The following SPTY2D1 variants were observed in gnomAD, a reference collection of about 807,000 sequenced individuals.
SPTY2D1 encodes the protein protein SPT2 homolog.
In SPTY2D1, 21 loss-of-function variants were observed where a neutral mutation model predicts 64.0. That is an observed-to-expected ratio of 0.33 (90% confidence interval 0.23 to 0.47). SPTY2D1 has a LOEUF of 0.47. Among genes scored for constraint, SPTY2D1 ranks in the 20% least tolerant of loss-of-function variants. SPTY2D1 has a pLI of 1.00. For missense variants in SPTY2D1, 724 were observed against 837.2 expected (o/e 0.86, Z 1.67); for synonymous variants, 287 against 286.8 (o/e 1.00, Z -0.01).
At chr11:18,630,873 G>C (rs1854576338) in intron 1 of SPTY2D1, among the ~76,000 whole-genome samples, 1 of 152,062 alleles carries the variant, frequency 6.6e-6, no homozygotes, top group African/African-American at 2.4e-5. Context: ...CCCGGCTGGA[G>C]TGCAGTGGCA....
At position 18,615,228 on chromosome 11, in the gene SPTY2D1, C is replaced by T. The variant is rs1243902999; in HGVS notation, c.1046G>A (p.Ser349Asn). The T allele has an allele frequency of 6.2e-7, 1 of 1,614,220 alleles. No homozygotes were observed. The highest frequency in any genetic ancestry group is 1.7e-5 in the Admixed American group (1 of 60,022). ...HKAKKSLSHP[S>N]HSRPGPMVTP... The stretch of plus-strand genomic sequence containing the variant: ...GACCATGGGCCCAGGCCTGGAATGG[C>T]TAGGATGGGACAGAGATTTTTTGGC... The change falls in exon 3 of 6, where the codon AGC becomes AAC. Residue 349 changes from serine to asparagine, a missense_variant. Around this residue, in one of 3 missense-constraint regions of SPTY2D1, gnomAD observed 426 missense variants for 431.8 expected, o/e 0.99. Coordinates refer to ENST00000336349, the MANE Select transcript of SPTY2D1 (RefSeq NM_194285.3).
chr11:18,615,529 T>G lies in SPTY2D1; in HGVS notation c.745A>C (p.Arg249=). 1 of 1,614,250 alleles carries G rather than the reference T, an allele frequency of 6.2e-7. No individual in the cohort carries two copies. Among genetic ancestry groups the G allele is most frequent in the South Asian group, 1.1e-5 (1 of 91,088 alleles). Residue 249 remains arginine (R), a synonymous_variant, in exon 3 of 6, where the codon AGG becomes CGG. Transcript: ENST00000336349. ...GGCATTCCTTTGGAAGAAGGATGCCTGTCTCCAGAACCTTTGCTAAGTTTT... is the reference window on the plus strand; with the variant it reads ...GGCATTCCTTTGGAAGAAGGATGCCGGTCTCCAGAACCTTTGCTAAGTTTT... ...GTKLSKGSGD[R]HPSSKGMPLP...
In SPTY2D1 at chr11:18,606,536, T is replaced by A. The variant is rs886501928; in HGVS notation, c.*3325A>T. ...AAGCTAAGCTATCTAAAAATTTTTT[T>A]AACTTGATTTGTCCATTGTGTAAAA... On this transcript the variant is annotated 3_prime_UTR_variant, in exon 6 of 6. Coordinates refer to ENST00000336349, the MANE Select transcript of SPTY2D1 (RefSeq NM_194285.3). 9.9e-6 allele frequency: 2 copies of A among 201,650 alleles called. No homozygotes were observed. The highest frequency in any genetic ancestry group is 4.8e-5 in the African/African-American group (2 of 41,828). The allele number at this position is 201,650 out of a possible 1,614,324, so 12.5% of individuals were successfully genotyped here.
intron 1 of SPTY2D1, among the ~76,000 whole-genome samples, chr11:18,630,293 G>A (rs1208156789): frequency 6.6e-6 from 1 of 152,066 alleles, no homozygotes; most frequent in African/African-American, 2.4e-5. Context: ...TGACCAACAT[G>A]GTGAAACCCC....
intron 1 of SPTY2D1, among the ~76,000 whole-genome samples, chr11:18,617,936 C>T (rs1252816255): frequency 1.3e-5 from 2 of 152,096 alleles, no homozygotes; most frequent in Non-Finnish European, 2.9e-5. Context: ...AGCAAAACTC[C>T]GTCTCAATCC....
intron 1 of SPTY2D1, among the ~76,000 whole-genome samples, chr11:18,629,974 T>G (rs1412049548): frequency 4.0e-5 from 6 of 150,998 alleles, no homozygotes; most frequent in East Asian, 1.9e-4. Context: ...ATCGAGACCA[T>G]CCTGGCCAAC....
intron 1 of SPTY2D1, among the ~76,000 whole-genome samples, chr11:18,623,820 T>C (rs1273154936): frequency 6.6e-6 from 1 of 152,268 alleles, no homozygotes; most frequent in African/African-American, 2.4e-5. Flanking sequence ...TGGCCTTTTG[T>C]ATCTGGCTTC....
Position 18,607,347 on chromosome 11 carries a change from A to G in SPTY2D1, c.*2514T>C, listed in dbSNP as rs753716004. On this transcript the variant is annotated 3_prime_UTR_variant, in exon 6 of 6. Coordinates refer to ENST00000336349, the MANE Select transcript of SPTY2D1 (RefSeq NM_194285.3). ...CTTTGACATAGCAATATCAAAAGCA[A>G]GTGGGACTGTGCAATCAGAGCCATG... 1.3e-5 allele frequency: 2 copies of G among 152,782 alleles called. No individual in the cohort carries two copies. Among genetic ancestry groups the G allele is most frequent in the Admixed American group, 6.5e-5 (1 of 15,274 alleles). 9.5% of individuals were successfully genotyped at this position (152,782 alleles called of 1,614,324 possible). A position where few individuals can be genotyped will look rare whatever the true frequency, so the allele number is the denominator to read the frequency against.
chr11:18,630,061 C>G (rs144445338), intron 1 of SPTY2D1, among the ~76,000 whole-genome samples: 8,840 of 150,882 alleles, frequency 0.059, 857 homozygotes, highest in African/African-American at 0.2. Context: ...CCCAGCTACT[C>G]GGAAGGCTAA....
At chr11:18,633,381 T>C (rs1480710536) in intron 1 of SPTY2D1, among the ~76,000 whole-genome samples, 2 of 152,222 alleles carry the variant, frequency 1.3e-5, no homozygotes, top group African/African-American at 2.4e-5. Context: ...AGCTGTGCTG[T>C]GGGTACCATC....
At chr11:18,623,473 C>CA (rs34002964) in intron 1 of SPTY2D1, among the ~76,000 whole-genome samples, 84,223 of 152,092 alleles carry the variant, frequency 0.55, 27,571 homozygotes, top group Middle Eastern at 0.75. Context: ...TTTTATATGT[C>CA]AATTGGACTA....
At chr11:18,634,108 T>C (rs748206656) in intron 1 of SPTY2D1, 90 bp downstream of exon 1, 554 of 1,440,094 alleles carry the variant, frequency 3.8e-4, no homozygotes, top group Non-Finnish European at 5.1e-4. Context: ...CCGGAGCCGA[T>C]AGGCGGCTGC....
At chr11:18,619,341 A>C (rs1424621925) in intron 1 of SPTY2D1, among the ~76,000 whole-genome samples, 1 of 151,866 alleles carries the variant, frequency 6.6e-6, no homozygotes, top group East Asian at 1.9e-4. Flanking sequence ...TTTCCTGGCC[A>C]GGCGCAGTGG....
At position 18,615,152 on chromosome 11, in the gene SPTY2D1, G is replaced by C. The variant is rs1418128898; in HGVS notation, c.1122C>G (p.Ser374Arg). ...TGGGCTGCCCAGGGGCTGAGCTAGA[G>C]CTGCTGCCTGGCTGCCTGACACCTG... Reference protein sequence around the residue: ...KSPGVRQPGSSSSSAPGQPST... With the variant: ...KSPGVRQPGSRSSSAPGQPST... Residue 374 changes from serine to arginine, a missense_variant, in exon 3 of 6, where the codon AGC becomes AGG. By Grantham distance (110) the Ser-to-Arg change is moderately radical (BLOSUM62 -1). This residue lies in a region of SPTY2D1 where 426 missense variants were observed against 431.8 expected (regional missense o/e 0.99). Coordinates refer to ENST00000336349, the MANE Select transcript of SPTY2D1 (RefSeq NM_194285.3). 2 of 1,614,238 alleles carry C rather than the reference G, an allele frequency of 1.2e-6. No homozygotes were observed. Among genetic ancestry groups the C allele is most frequent in the Non-Finnish European group, 1.7e-6 (2 of 1,180,036 alleles).
rs967941796 is a variant in SPTY2D1, at chr11:18,634,326, C to A, written c.-69G>T. ...ACTGACAGCGCACCTAACCGAGGCG[C>A]CCAGCTACAGCCAACTGCACTGCCT... On this transcript the variant is annotated 5_prime_UTR_variant, in exon 1 of 6. Transcript: ENST00000336349. 1.7e-5 allele frequency: 26 copies of A among 1,556,146 alleles called. No individual in the cohort carries two copies. In the African/African-American group the frequency reaches 3.2e-4, roughly 19 times the overall value.
chr11:18,630,043 C>T (rs998163088), intron 1 of SPTY2D1, among the ~76,000 whole-genome samples: 5 of 151,430 alleles, frequency 3.3e-5, no homozygotes, highest in Non-Finnish European at 7.4e-5. Flanking sequence ...GTGGTGGGTG[C>T]CTGTAATCCC....
At chr11:18,626,203 C>T (rs1156958237) in intron 1 of SPTY2D1, among the ~76,000 whole-genome samples, 1 of 152,152 alleles carries the variant, frequency 6.6e-6, no homozygotes, top group Non-Finnish European at 1.5e-5. Context: ...CCACCTGCCT[C>T]TTGGATAATG....
In SPTY2D1 at chr11:18,634,320, G is replaced by C. The variant is rs1022410665; in HGVS notation, c.-63C>G. Reference sequence around the variant, plus strand: ...GAAAGGACTGACAGCGCACCTAACCGAGGCGCCCAGCTACAGCCAACTGCA... The same window carrying C: ...GAAAGGACTGACAGCGCACCTAACCCAGGCGCCCAGCTACAGCCAACTGCA... On this transcript the variant is annotated 5_prime_UTR_variant, in exon 1 of 6. Coordinates refer to ENST00000336349, the MANE Select transcript of SPTY2D1 (RefSeq NM_194285.3). 5 of 1,575,904 alleles carry C rather than the reference G, an allele frequency of 3.2e-6. No individual in the cohort carries two copies. Among genetic ancestry groups the C allele is most frequent in the East Asian group, 2.2e-5 (1 of 44,678 alleles).
At chr11:18,630,583 A>C (rs548571950) in intron 1 of SPTY2D1, among the ~76,000 whole-genome samples, 10 of 152,350 alleles carry the variant, frequency 6.6e-5, no homozygotes, top group African/African-American at 2.4e-4. Context: ...ACCATAGTAA[A>C]GGTCTGACCC....
Sources: gnomAD v4.1 joint callset for allele counts (sites outside exome capture counted in the v4.1 genomes callset) on GRCh38, gnomAD v4.1.1 for gene constraint, gnomAD v4.1.1 regional missense constraint, MANE v1.5 for transcripts, NCBI Gene and HGNC (gene_info 2026-07-23, HGNC 2026-07-21) for gene names.